The following NPAS3 variants were observed in gnomAD, a reference collection of about 807,000 sequenced individuals.
NPAS3 encodes the protein neuronal PAS domain-containing protein 3.
NPAS3 carries 14 observed loss-of-function variants against 73.1 expected under a neutral mutation model. That is an observed-to-expected ratio of 0.19 (90% CI 0.13 to 0.30). NPAS3 has a LOEUF of 0.30. Ranked by LOEUF, NPAS3 falls within the 10% of genes least tolerant of loss-of-function variation. The pLI is 1.00. For missense variants in NPAS3, 1,096 were observed against 1,250.0 expected, an observed-to-expected ratio of 0.88 and a Z score of 1.86; for synonymous variants, 620 against 541.5, an observed-to-expected ratio of 1.14 and a Z score of -2.01.
At chr14:33,563,537 C>CACACACACACACACACACAGAGAGAG in intron 5 of NPAS3, among the ~76,000 whole-genome samples, 53 of 119,678 alleles carry the variant, frequency 4.4e-4, no homozygotes, top group Admixed American at 1.2e-3. Flanking sequence ...CACACACACA[C>CACACACACACACACACACAGAGAGAG]AGAGAGAGAG....
At chr14:33,498,935 A>AGTGTGTGTGTGT (rs3058422) in intron 4 of NPAS3, among the ~76,000 whole-genome samples, 17 of 94,934 alleles carry the variant, frequency 1.8e-4, no homozygotes, top group Admixed American at 5.1e-4. Context: ...ACAGAGAGAG[A>AGTGTGTGTGTGT]GTGTGTGTGT....
chr14:33,001,451 C>T (rs796320375), intron 1 of NPAS3, among the ~76,000 whole-genome samples: 4 of 152,094 alleles, frequency 2.6e-5, no homozygotes, highest in African/African-American at 7.2e-5. Context: ...ATCTAGAGCA[C>T]GTCCTTCTTT....
chr14:33,325,745 T>C (rs576328814), intron 3 of NPAS3, among the ~76,000 whole-genome samples: 38 of 151,774 alleles, frequency 2.5e-4, no homozygotes, highest in Non-Finnish European at 4.9e-4. Flanking sequence ...TTTTTTTTTT[T>C]TGGTACCCAT....
intron 4 of NPAS3, among the ~76,000 whole-genome samples, chr14:33,454,177 T>C (rs943698392): frequency 5.9e-5 from 9 of 152,198 alleles, no homozygotes; most frequent in African/African-American, 2.2e-4. Flanking sequence ...TGTTCTATGT[T>C]TTCTATATTT....
chr14:33,339,282 T>C (rs1007100094), intron 3 of NPAS3, among the ~76,000 whole-genome samples: 5 of 152,180 alleles, frequency 3.3e-5, no homozygotes, highest in African/African-American at 4.8e-5. Context: ...TGCTGTCTCA[T>C]TTAAGATGAC....
intron 3 of NPAS3, among the ~76,000 whole-genome samples, chr14:33,223,062 C>T (rs1347332279): frequency 6.6e-6 from 1 of 152,074 alleles, no homozygotes; most frequent in African/African-American, 2.4e-5. Context: ...TCAGTCCCAG[C>T]ACTTTGGGAG....
intron 5 of NPAS3, among the ~76,000 whole-genome samples, chr14:33,651,397 C>G (rs962981626): frequency 6.6e-6 from 1 of 152,200 alleles, no homozygotes; most frequent in Non-Finnish European, 1.5e-5. Flanking sequence ...TTAAATCATT[C>G]TTTTCTCCCT....
intron 1 of NPAS3, among the ~76,000 whole-genome samples, chr14:32,980,662 A>G (rs2037859281): frequency 6.6e-6 from 1 of 152,192 alleles, no homozygotes; most frequent in South Asian, 2.1e-4. Context: ...AGTAGCATCA[A>G]GGACCTCTGA....
chr14:33,348,537 G>T (rs1594747027), intron 3 of NPAS3, among the ~76,000 whole-genome samples: 1 of 152,266 alleles, frequency 6.6e-6, no homozygotes, highest in East Asian at 1.9e-4. Context: ...CCATCTTTTA[G>T]ACCATTCAGA....
At chr14:33,035,365 T>C (rs550060796) in intron 1 of NPAS3, among the ~76,000 whole-genome samples, 1 of 152,260 alleles carries the variant, frequency 6.6e-6, no homozygotes, top group Non-Finnish European at 1.5e-5. Context: ...CCTCACTCCC[T>C]GAGATGGAAA....
intron 3 of NPAS3, among the ~76,000 whole-genome samples, chr14:33,283,942 C>T (rs2041744490): frequency 6.6e-6 from 1 of 152,140 alleles, no homozygotes. Context: ...TGGCCTCCTC[C>T]TATCAGGTTC....
At chr14:33,169,860 G>A (rs755913304) in intron 2 of NPAS3, among the ~76,000 whole-genome samples, 12 of 152,188 alleles carry the variant, frequency 7.9e-5, no homozygotes, top group Non-Finnish European at 1.5e-4. Flanking sequence ...GTTTTAGTCT[G>A]AGTTATGAGA....
chr14:33,062,042 T>C (rs1566518190), intron 2 of NPAS3, among the ~76,000 whole-genome samples: 1 of 151,562 alleles, frequency 6.6e-6, no homozygotes, highest in African/African-American at 2.4e-5. Context: ...TGACAGGAGG[T>C]GAGGCTGGAG....
chr14:33,134,432 A>C (rs1459463335), intron 2 of NPAS3, among the ~76,000 whole-genome samples: 1 of 152,172 alleles, frequency 6.6e-6, no homozygotes, highest in African/African-American at 2.4e-5. Context: ...TCAAAATAAC[A>C]CTTGAAAAGC....
chr14:33,407,120 C>A lies in NPAS3; in HGVS notation c.468+39852C>A, dbSNP rs141430093. On this transcript the variant is annotated intron_variant, in intron 4 of 11. Coordinates refer to ENST00000356141, the Ensembl canonical transcript of NPAS3. Reference sequence around the variant, plus strand: ...TAATTGAACTCTTTATTTCCGCTCACTGAAGCTCTTCAGTAGGTAATGCAT... The same window carrying A: ...TAATTGAACTCTTTATTTCCGCTCAATGAAGCTCTTCAGTAGGTAATGCAT... Among the ~76,000 whole-genome samples, 163 of 152,258 alleles carry A rather than the reference C, an allele frequency of 1.1e-3. 1 individual carries two copies. The highest frequency in any genetic ancestry group is 3.5e-3 in the African/African-American group (146 of 41,574).
intron 1 of NPAS3, among the ~76,000 whole-genome samples, chr14:32,949,741 A>G (rs2036407625): frequency 6.6e-6 from 1 of 151,894 alleles, no homozygotes; most frequent in South Asian, 2.1e-4. Context: ...TGTTAAAAAG[A>G]AAAAAGAAAA....
At chr14:33,785,387 A>T (rs2063137667) in intron 9 of NPAS3, among the ~76,000 whole-genome samples, 1 of 148,240 alleles carries the variant, frequency 6.7e-6, no homozygotes, top group Non-Finnish European at 1.5e-5. Flanking sequence ...GTGAGCCAAG[A>T]TCATGCCACT....
intron 7 of NPAS3, among the ~76,000 whole-genome samples, chr14:33,762,336 T>C (rs2062320831): frequency 6.6e-6 from 1 of 152,230 alleles, no homozygotes; most frequent in Non-Finnish European, 1.5e-5. Context: ...ATTAAAGTTT[T>C]TCTAGTGCTT....
At chr14:33,230,552 C>A (rs1428637188) in intron 3 of NPAS3, among the ~76,000 whole-genome samples, 1 of 152,130 alleles carries the variant, frequency 6.6e-6, no homozygotes, top group Admixed American at 6.6e-5. Context: ...AGAATTACAT[C>A]TACTCTAGAT....
Sources: allele counts gnomAD v4.1 joint callset (sites outside exome capture counted in the v4.1 genomes callset), GRCh38; gene constraint gnomAD v4.1.1; transcripts MANE v1.5; gene names NCBI Gene and HGNC (gene_info 2026-07-23, HGNC 2026-07-21).